KIT: variants seen among roughly 807,000 people sequenced by gnomAD.
The protein encoded by KIT is KIT proto-oncogene, receptor tyrosine kinase.
KIT carries 16 observed loss-of-function variants against 105.7 expected under a neutral mutation model. That is an observed-to-expected ratio of 0.15 (90% CI 0.10 to 0.23). KIT has a LOEUF of 0.23. Among genes scored for constraint, KIT ranks in the 10% least tolerant of loss-of-function variants. The probability of loss-of-function intolerance (pLI) is 1.00; values close to 1 mark genes in which losing one functional copy is unlikely to be tolerated. For missense variants in KIT, 858 were observed against 1,213.8 expected, an observed-to-expected ratio of 0.71 and a Z score of 4.36; for synonymous variants, 438 against 441.1, an observed-to-expected ratio of 0.99 and a Z score of 0.09.
At chr4:54,658,374 G>A (rs1229220062) in intron 1 of KIT, among the ~76,000 whole-genome samples, 1 of 152,152 alleles carries the variant, frequency 6.6e-6, no homozygotes, top group African/African-American at 2.4e-5. Flanking sequence ...CTCCGTGCGA[G>A]TTTGGGGTGG....
chr4:54,711,316 A>T (rs1486592394), intron 7 of KIT, among the ~76,000 whole-genome samples: 1 of 152,258 alleles, frequency 6.6e-6, no homozygotes, highest in African/African-American at 2.4e-5. Context: ...TTTGACTATG[A>T]ACATTTCAAA....
intron 3 of KIT, among the ~76,000 whole-genome samples, chr4:54,699,365 A>C (rs1322092808): frequency 1.3e-5 from 2 of 152,088 alleles, no homozygotes; most frequent in Admixed American, 1.3e-4. Flanking sequence ...TAGGGCTTCT[A>C]CTTGGTTTGG....
chr4:54,686,629 C>T (rs1027031671), intron 1 of KIT, among the ~76,000 whole-genome samples: 1 of 152,210 alleles, frequency 6.6e-6, no homozygotes, highest in Non-Finnish European at 1.5e-5. Context: ...ACTGCAGCCT[C>T]GACCTCTTGG....
At position 54,718,359 on chromosome 4, in the gene KIT, C is replaced by T. The variant is rs1376843784; in HGVS notation, c.1232-5225C>T. Among the ~76,000 whole-genome samples, 5 of 152,274 alleles carry T rather than the reference C, an allele frequency of 3.3e-5. No homozygotes were observed. In the East Asian group the frequency reaches 7.7e-4, roughly 23 times the overall value. On this transcript the variant is annotated intron_variant, in intron 7 of 20. Coordinates refer to ENST00000288135, the MANE Select transcript of KIT (RefSeq NM_000222.3). Reference sequence around the variant, plus strand: ...CCTCCCAAAGTGCTGGGATTACAAGCGTGAGCCACTGCACCCGGCCTATAA... The same window carrying T: ...CCTCCCAAAGTGCTGGGATTACAAGTGTGAGCCACTGCACCCGGCCTATAA...
intron 1 of KIT, among the ~76,000 whole-genome samples, chr4:54,675,290 T>C (rs138917671): frequency 6.6e-6 from 1 of 152,360 alleles, no homozygotes; most frequent in Non-Finnish European, 1.5e-5. Context: ...ACTTTTGTTA[T>C]TTAAATTCTG....
chr4:54,664,881 C>T lies in KIT; in HGVS notation c.67+6800C>T, dbSNP rs529798401. ...GGGGTTACAGATGTAAGCCACCACA[C>T]CTGGCCTGTTTTTTTTTTTTTTAAT... On this transcript the variant is annotated intron_variant, in intron 1 of 20. Transcript: ENST00000288135. 1.2e-4 allele frequency among the ~76,000 whole-genome samples: 17 copies of T among 140,442 alleles called. No individual in the cohort carries two copies. The South Asian group carries it at 3.6e-3, about 30-fold the overall frequency. The allele number at this position is 140,442 out of a possible 152,430, so 92.1% of individuals were successfully genotyped here.
At chr4:54,731,198 T>G in intron 14 of KIT, 130 bp from the exon 15 acceptor site, 1 of 730,322 alleles carries the variant, frequency 1.4e-6, no homozygotes, top group Non-Finnish European at 2.5e-6. Flanking sequence ...TTATTCAAAC[T>G]TTACATGACT....
At chr4:54,719,897 A>C (rs530683547) in intron 7 of KIT, among the ~76,000 whole-genome samples, 29 of 152,300 alleles carry the variant, frequency 1.9e-4, no homozygotes, top group African/African-American at 7.0e-4. Flanking sequence ...GGTACAGCTC[A>C]TGCTGTACTA....
At chr4:54,665,449 G>A (rs1343989604) in intron 1 of KIT, among the ~76,000 whole-genome samples, 2 of 152,308 alleles carry the variant, frequency 1.3e-5, no homozygotes, top group Admixed American at 6.5e-5. Context: ...TTATCTCTGA[G>A]TGAAGGGGTA....
Position 54,711,924 on chromosome 4 carries a change from G to A in KIT, c.1231+2385G>A, listed in dbSNP as rs200178522. Among the ~76,000 whole-genome samples the A allele has an allele frequency of 1.1e-3, 145 of 137,634 alleles. 2 individuals are homozygous for A. In the East Asian group the frequency reaches 0.026, roughly 25 times the overall value. The allele number at this position is 137,634 out of a possible 152,430, so 90.3% of individuals were successfully genotyped here. A position where few individuals can be genotyped will look rare whatever the true frequency, so the allele number is the denominator to read the frequency against. ...AGCCTGGGCGACTGAACGAGAGTCC[G>A]TCTCAAAAAAAAAAAAAAAAAAGAT... On this transcript the variant is annotated intron_variant, in intron 7 of 20. Transcript: ENST00000288135.
At chr4:54,699,872 C>A in intron 4 of KIT, 106 bp downstream of exon 4, 1 of 1,220,000 alleles carries the variant, frequency 8.2e-7, no homozygotes. Flanking sequence ...GTGCGTCTGT[C>A]AGAGGTGGAT....
At chr4:54,738,357 C>G (rs2109817226) in intron 20 of KIT, 72 bp from the exon 21 acceptor site, 2 of 1,558,312 alleles carry the variant, frequency 1.3e-6, no homozygotes, top group East Asian at 2.2e-5. Context: ...GATCTTGACA[C>G]TGTAAGTATG....
intron 1 of KIT, among the ~76,000 whole-genome samples, chr4:54,678,342 TTCC>T (rs1560381318): frequency 1.1e-5 from 1 of 93,630 alleles, no homozygotes; most frequent in Admixed American, 1.0e-4. Flanking sequence ...CCTTCCTTCC[TTCC>T]TTCCTTCCCT....
intron 7 of KIT, among the ~76,000 whole-genome samples, chr4:54,713,878 A>G (rs1312996106): frequency 1.3e-5 from 2 of 152,108 alleles, no homozygotes; most frequent in Non-Finnish European, 2.9e-5. Flanking sequence ...AACCTCTCTA[A>G]TCAAGCCATG....
rs781339631 is a variant in KIT at position 54,738,401 on chromosome 4, G to GT, written c.2803-27dup. 60 of 1,613,770 alleles carry GT rather than the reference G, an allele frequency of 3.7e-5. No individual in the cohort carries two copies. In the South Asian group the frequency reaches 6.3e-4, roughly 17 times the overall value. On this transcript the variant is annotated intron_variant, in intron 20 of 20. Coordinates refer to ENST00000288135, the MANE Select transcript of KIT (RefSeq NM_000222.3). ...TGCTATGTTCGTTGTAGGGACTGCTGTATTGACTATGGGCTTGTTTTCTCC... is the reference window on the plus strand; with the variant it reads ...TGCTATGTTCGTTGTAGGGACTGCTGTTATTGACTATGGGCTTGTTTTCTCC...
chr4:54,721,888 G>C (rs1231909647), intron 7 of KIT, among the ~76,000 whole-genome samples: 10 of 152,184 alleles, frequency 6.6e-5, no homozygotes, highest in Non-Finnish European at 4.4e-5. Flanking sequence ...TTAGATTATT[G>C]AGGAGAATAT....
At chr4:54,671,373 T>C (rs891564911) in intron 1 of KIT, among the ~76,000 whole-genome samples, 3 of 152,164 alleles carry the variant, frequency 2.0e-5, no homozygotes, top group Non-Finnish European at 4.4e-5. Context: ...TCTTGGAATA[T>C]GGGCAGGAAG....
At position 54,738,721 on chromosome 4, in the gene KIT, TC is replaced by T; in HGVS notation, c.*165del. 4.8e-6 allele frequency: 4 copies of T among 829,756 alleles called. No homozygotes were observed. The highest frequency in any genetic ancestry group is 8.1e-6 in the Non-Finnish European group (4 of 492,366). The allele number at this position is 829,756 out of a possible 1,614,324, so 51.4% of individuals were successfully genotyped here. ...CTTTAGTGGCCGATGATTTTTGTCA[TC>T]AGCCACCATCCTATTGCAAAGGTTC... is the stretch of plus-strand genomic sequence containing the variant. On this transcript the variant is annotated 3_prime_UTR_variant, in exon 21 of 21. Coordinates refer to ENST00000288135, the MANE Select transcript of KIT (RefSeq NM_000222.3).
At chr4:54,690,067 G>T (rs1277697891) in intron 1 of KIT, among the ~76,000 whole-genome samples, 1 of 141,022 alleles carries the variant, frequency 7.1e-6, no homozygotes, top group Non-Finnish European at 1.6e-5. Flanking sequence ...GTGGGGGGGG[G>T]GGGCTGTGTA....
Sources: gnomAD v4.1 joint callset for allele counts (sites outside exome capture counted in the v4.1 genomes callset) on GRCh38, gnomAD v4.1.1 for gene constraint, MANE v1.5 for transcripts, NCBI Gene and HGNC (gene_info 2026-07-23, HGNC 2026-07-21) for gene names.